CBLN2: variants seen among roughly 807,000 people sequenced by gnomAD.
CBLN2 encodes cerebellin 2 precursor, also known as cerebellin-2.
A neutral mutation model predicts 15.0 loss-of-function variants in CBLN2; 7 were observed. The observed-to-expected ratio is 0.47, with a 90% confidence interval of 0.27 to 0.88. The LOEUF (loss-of-function observed/expected upper bound fraction) is 0.88, where lower values mean the gene tolerates loss of function less well. CBLN2 is among the 40% of genes least tolerant of loss of function. CBLN2 has a pLI of 0.14. For synonymous variants in CBLN2, 149 were observed against 135.2 expected (o/e 1.10, Z -0.71); for missense variants, 242 against 304.5 (o/e 0.79, Z 1.53).
intron 1 of CBLN2, among the ~76,000 whole-genome samples, chr18:72,564,497 T>C (rs1326935921): frequency 1.3e-5 from 2 of 152,162 alleles, no homozygotes; most frequent in Non-Finnish European, 2.9e-5. Flanking sequence ...TGAAATAACC[T>C]AGTCAGATAG....
chr18:72,566,986 G>A (rs367606069), intron 1 of CBLN2, among the ~76,000 whole-genome samples: 7 of 151,840 alleles, frequency 4.6e-5, no homozygotes, highest in South Asian at 2.1e-4. Context: ...ACCCTGCCCC[G>A]CTAATTCTGT....
At position 72,625,698 on chromosome 18, in the gene CBLN2, CTA is replaced by C. The variant is rs1169851043; in HGVS notation, c.15+12625_15+12626del. 9.1e-3 allele frequency among the ~76,000 whole-genome samples: 426 copies of C among 46,578 alleles called. 2 individuals carry two copies. The East Asian group carries it at 0.14, about 15-fold the overall frequency. The allele number at this position is 46,578 out of a possible 152,430, so 30.6% of individuals were successfully genotyped here. On this transcript the variant is annotated intron_variant, in intron 1 of 2. Coordinates refer to the CBLN2 transcript ENST00000581073. ...TATAGTATTATTATATATAGTATTA[CTA>C]TATATATATATATATATATATATAT... is the stretch of plus-strand genomic sequence containing the variant.
rs1469460158 is a variant in CBLN2 at position 72,537,732 on chromosome 18, T to C, written c.*444A>G. Reference sequence around the variant, plus strand: ...GCTATACAGACACACACAGAACACATGTCAAGGACTGTCCAGCAGGTGGTT... The same window carrying C: ...GCTATACAGACACACACAGAACACACGTCAAGGACTGTCCAGCAGGTGGTT... On this transcript the variant is annotated 3_prime_UTR_variant, in exon 5 of 5. Coordinates refer to ENST00000269503, the MANE Select transcript of CBLN2 (RefSeq NM_182511.4). 2.7e-5 allele frequency: 6 copies of C among 220,336 alleles called. No homozygotes were observed. Among genetic ancestry groups the C allele is most frequent in the Non-Finnish European group, 4.5e-5 (5 of 109,896 alleles). The allele number at this position is 220,336 out of a possible 1,614,324, so 13.6% of individuals were successfully genotyped here.
chr18:72,573,595 C>G (rs1050796571), intron 1 of CBLN2, among the ~76,000 whole-genome samples: 1 of 152,172 alleles, frequency 6.6e-6, no homozygotes, highest in Non-Finnish European at 1.5e-5. Flanking sequence ...CAGGAATTTA[C>G]ATTTCCTATG....
At chr18:72,551,243 T>A (rs1446251258) in intron 1 of CBLN2, among the ~76,000 whole-genome samples, 7 of 152,296 alleles carry the variant, frequency 4.6e-5, no homozygotes, top group African/African-American at 1.4e-4. Context: ...AATGTTTATA[T>A]ATATACACAT....
chr18:72,558,205 C>A (rs2069238699), intron 1 of CBLN2, among the ~76,000 whole-genome samples: 2 of 152,138 alleles, frequency 1.3e-5, no homozygotes, highest in African/African-American at 4.8e-5. Flanking sequence ...TCTGGAGGGG[C>A]TAGAGACTAA....
upstream of CBLN2, among the ~76,000 whole-genome samples, chr18:72,545,971 CTA>C (rs144645282): frequency 8.6e-3 from 1,310 of 152,254 alleles, 16 homozygotes; most frequent in African/African-American, 0.03. Flanking sequence ...CACCTTTAAT[CTA>C]TGTGACTTAT....
chr18:72,624,411 G>A (rs977292837), intron 1 of CBLN2, among the ~76,000 whole-genome samples: 3 of 152,016 alleles, frequency 2.0e-5, no homozygotes, highest in Admixed American at 1.3e-4. Context: ...AAGCCGAGGC[G>A]GGCGGATCAC....
intron 1 of CBLN2, among the ~76,000 whole-genome samples, chr18:72,603,701 G>A (rs947436834): frequency 1.3e-5 from 2 of 152,160 alleles, no homozygotes; most frequent in Non-Finnish European, 2.9e-5. Context: ...TCTCTGAAAT[G>A]TTTAAGGAGC....
chr18:72,625,054 C>A (rs1413901689), intron 1 of CBLN2: 1 of 152,042 alleles, frequency 6.6e-6, no homozygotes. Flanking sequence ...CTTTAGGGAG[C>A]CTCTCTCCAT....
intron 1 of CBLN2, among the ~76,000 whole-genome samples, chr18:72,580,759 T>C (rs970962089): frequency 1.4e-4 from 21 of 152,248 alleles, no homozygotes; most frequent in African/African-American, 4.8e-4. Context: ...TTAGATTATT[T>C]TGAAATTATG....
chr18:72,565,749 C>G (rs763072427), intron 1 of CBLN2, among the ~76,000 whole-genome samples: 2 of 152,094 alleles, frequency 1.3e-5, no homozygotes, highest in Non-Finnish European at 2.9e-5. Context: ...TGACCTTGGT[C>G]TGAGCAAAGA....
At chr18:72,610,555 T>C (rs2069615087) in intron 1 of CBLN2, among the ~76,000 whole-genome samples, 1 of 152,178 alleles carries the variant, frequency 6.6e-6, no homozygotes. Flanking sequence ...AGGGACTCTG[T>C]ATATCCTGTC....
intron 1 of CBLN2, among the ~76,000 whole-genome samples, chr18:72,616,009 C>G (rs981449015): frequency 1.2e-4 from 18 of 152,174 alleles, no homozygotes; most frequent in African/African-American, 4.1e-4. Context: ...AAAAAGCTTT[C>G]AGAAGTTTCC....
chr18:72,546,441 CAA>C (rs774107488), upstream of CBLN2, among the ~76,000 whole-genome samples: 7 of 120,650 alleles, frequency 5.8e-5, no homozygotes, highest in Non-Finnish European at 5.3e-5. Flanking sequence ...CGCTCTCTCT[CAA>C]AAAAAAAAAA....
chr18:72,587,712 GATA>G, intron 1 of CBLN2, among the ~76,000 whole-genome samples: 1 of 152,230 alleles, frequency 6.6e-6, no homozygotes, highest in East Asian at 1.9e-4. Context: ...ATGTAGAACT[GATA>G]ATAACTCTGC....
At chr18:72,637,281 CAAAA>C (rs56971218) in intron 1 of CBLN2, among the ~76,000 whole-genome samples, 1 of 150,212 alleles carries the variant, frequency 6.7e-6, no homozygotes, top group African/African-American at 2.5e-5. Flanking sequence ...ACAGAACAAG[CAAAA>C]AAAAAAAATG....
chr18:72,609,033 G>C (rs1568130609), intron 1 of CBLN2, among the ~76,000 whole-genome samples: 1 of 152,060 alleles, frequency 6.6e-6, no homozygotes, highest in Non-Finnish European at 1.5e-5. Flanking sequence ...CTTTGACATG[G>C]GTATTATTAC....
At chr18:72,605,246 C>T (rs1210057075) in intron 1 of CBLN2, among the ~76,000 whole-genome samples, 13 of 152,212 alleles carry the variant, frequency 8.5e-5, no homozygotes, top group East Asian at 5.8e-4. Context: ...CATTTGAACA[C>T]GCTGTGGAAA....
Sources: allele counts gnomAD v4.1 joint callset (sites outside exome capture counted in the v4.1 genomes callset), GRCh38; gene constraint gnomAD v4.1.1; transcripts MANE v1.5; gene names NCBI Gene and HGNC (gene_info 2026-07-23, HGNC 2026-07-21).